The following SLC24A4 variants were observed in gnomAD, a reference collection of about 807,000 sequenced individuals.
SLC24A4 encodes sodium/potassium/calcium exchanger 4.
In SLC24A4, 53 loss-of-function variants were observed where a neutral mutation model predicts 79.0. The observed-to-expected ratio is 0.67, with a 90% CI of 0.54 to 0.84. The LOEUF (loss-of-function observed/expected upper bound fraction) is 0.84, where lower values mean the gene tolerates loss of function less well. SLC24A4 is among the 40% of genes least tolerant of loss of function. The pLI, the probability that SLC24A4 is intolerant of heterozygous loss-of-function variation, is 0.00. For synonymous variants in SLC24A4, 323 were observed against 323.8 expected, an observed-to-expected ratio of 1.00 and a Z score of 0.03; for missense variants, 731 against 822.0, an observed-to-expected ratio of 0.89 and a Z score of 1.35.
At chr14:92,492,855 C>T (rs1355167411) in intron 16 of SLC24A4, 1 of 455,482 alleles carries the variant, frequency 2.2e-6, no homozygotes, top group Non-Finnish European at 4.4e-6. Context: ...GGGATCCAGC[C>T]CCAGGAAGCC....
At chr14:92,429,440 A>G (rs1027528269) in intron 2 of SLC24A4, among the ~76,000 whole-genome samples, 1 of 152,254 alleles carries the variant, frequency 6.6e-6, no homozygotes, top group Non-Finnish European at 1.5e-5. Flanking sequence ...ATTCATATAC[A>G]AATAGGAAGC....
At chr14:92,411,933 C>A (rs1447222818) in intron 2 of SLC24A4, among the ~76,000 whole-genome samples, 4 of 150,804 alleles carry the variant, frequency 2.7e-5, no homozygotes, top group African/African-American at 2.5e-5. Context: ...TTGCAAGTGA[C>A]CAAAAAACAA....
At position 92,499,228 on chromosome 14, in the gene SLC24A4, A is replaced by G. The variant is rs947728844; in HGVS notation, c.*5600A>G. ...CACGGTGTCAGTGTCCAGTTGTCAA[A>G]GTTATGAATCTTCCTCCTGCTTCTA... is the stretch of plus-strand genomic sequence containing the variant. On this transcript the variant is annotated 3_prime_UTR_variant, in exon 17 of 17. Coordinates refer to ENST00000532405, the MANE Select transcript of SLC24A4 (RefSeq NM_153646.4). 1 of 152,190 alleles carries G rather than the reference A, an allele frequency of 6.6e-6. No individual in the cohort carries two copies. The highest frequency in any genetic ancestry group is 6.5e-5 in the Admixed American group (1 of 15,272). 9.4% of individuals were successfully genotyped at this position (152,190 alleles called of 1,614,324 possible). A position where few individuals can be genotyped will look rare whatever the true frequency, so the allele number is the denominator to read the frequency against.
chr14:92,486,679 G>A lies in SLC24A4; in HGVS notation c.1436G>A (p.Gly479Glu). The A allele has an allele frequency of 1.2e-6, 2 of 1,613,692 alleles. No homozygotes were observed. The highest frequency in any genetic ancestry group is 1.7e-6 in the Non-Finnish European group (2 of 1,179,620). The change falls in exon 14 of 17, where the codon GGA (glycine) becomes GAA (glutamate). Residue 479 changes from glycine (G) to glutamate (E), a missense_variant. Coordinates refer to ENST00000532405, the MANE Select transcript of SLC24A4 (RefSeq NM_153646.4). ...CACATTCTGCAGGTGACTATTATCG[G>A]ATACACACTTGGGATCCCGGATGTC... ...YIMVWLVTII[G>E]YTLGIPDVIM...
At chr14:92,400,256 T>A (rs529106509) in intron 2 of SLC24A4, among the ~76,000 whole-genome samples, 1 of 151,922 alleles carries the variant, frequency 6.6e-6, no homozygotes, top group African/African-American at 2.4e-5. Flanking sequence ...CAGGCCAACA[T>A]GGTGAAACCC....
At chr14:92,364,010 T>C (rs529231059) in intron 2 of SLC24A4, among the ~76,000 whole-genome samples, 41 of 152,302 alleles carry the variant, frequency 2.7e-4, no homozygotes, top group African/African-American at 9.9e-4. Context: ...CCATCTCGTC[T>C]GTCCTGGTAT....
chr14:92,442,133 T>C lies in SLC24A4; in HGVS notation c.438T>C (p.Ala146=). The part of the protein sequence containing the change: ...SEDVAGATFM[A]AGSSTPELFA... ...ATGTGGCTGGAGCCACCTTCATGGC[T>C]GCAGGAAGCTCAACGCCAGAGCTGT... The change falls in exon 5 of 17, where the codon GCT becomes GCC. Residue 146 remains alanine (A), a synonymous_variant. Transcript: ENST00000532405. 2 of 1,614,044 alleles carry C rather than the reference T, an allele frequency of 1.2e-6. No homozygotes were observed. The highest frequency in any genetic ancestry group is 1.7e-6 in the Non-Finnish European group (2 of 1,179,952).
In SLC24A4 at chr14:92,323,682, G is replaced by A; in HGVS notation, c.-149G>A. 1.0e-6 allele frequency: 1 copy of A among 988,596 alleles called. No homozygotes were observed. Among genetic ancestry groups the A allele is most frequent in the Non-Finnish European group, 1.4e-6 (1 of 718,388 alleles). 61.2% of individuals were successfully genotyped at this position (988,596 alleles called of 1,614,324 possible). A position where few individuals can be genotyped will look rare whatever the true frequency, so the allele number is the denominator to read the frequency against. On this transcript the variant is annotated 5_prime_UTR_variant, in exon 1 of 17. Coordinates refer to ENST00000532405, the MANE Select transcript of SLC24A4 (RefSeq NM_153646.4). This position sits in a 1 kb window ranked among gnomAD's most constrained non-coding sequence, Gnocchi z 4.9. Reference sequence around the variant, plus strand: ...CCCAAGGGGCTCCCCCGCCGACCTCGCCCTCGGGCCATGAGGCTTTGGCCC... The same window carrying A: ...CCCAAGGGGCTCCCCCGCCGACCTCACCCTCGGGCCATGAGGCTTTGGCCC...
chr14:92,325,797 A>T, intron 1 of SLC24A4, 71 bp from the exon 2 acceptor site: 1 of 884,064 alleles, frequency 1.1e-6, no homozygotes, highest in Non-Finnish European at 1.8e-6. Context: ...AGACACACAA[A>T]TGTAAGGTCA....
At chr14:92,459,243 C>A (rs1304607516) in intron 12 of SLC24A4, among the ~76,000 whole-genome samples, 1 of 152,202 alleles carries the variant, frequency 6.6e-6, no homozygotes, top group Non-Finnish European at 1.5e-5. Flanking sequence ...GCAGGGAGGA[C>A]CCCGGACCAG....
chr14:92,362,078 G>T (rs543999012), intron 2 of SLC24A4, among the ~76,000 whole-genome samples: 1 of 152,106 alleles, frequency 6.6e-6, no homozygotes, highest in Non-Finnish European at 1.5e-5. Context: ...GAATAGGTGC[G>T]GTCCCATGAC....
intron 2 of SLC24A4, among the ~76,000 whole-genome samples, chr14:92,360,950 GAAGT>G (rs1269580774): frequency 6.6e-6 from 1 of 152,224 alleles, no homozygotes; most frequent in Non-Finnish European, 1.5e-5. Context: ...TCCATGTGCA[GAAGT>G]AATTAGAATA....
intron 2 of SLC24A4, among the ~76,000 whole-genome samples, chr14:92,422,031 G>C (rs577151280): frequency 6.6e-6 from 1 of 152,184 alleles, no homozygotes; most frequent in African/African-American, 2.4e-5. Flanking sequence ...GTGATTTCGT[G>C]TGTTGCTTTT....
At chr14:92,446,598 A>G (rs1270301175) in intron 8 of SLC24A4, among the ~76,000 whole-genome samples, 1 of 152,124 alleles carries the variant, frequency 6.6e-6, no homozygotes, top group African/African-American at 2.4e-5. Flanking sequence ...CTTGGGTTTC[A>G]TTTTCGTCAT....
At chr14:92,409,779 A>G (rs767914101) in intron 2 of SLC24A4, among the ~76,000 whole-genome samples, 1 of 152,182 alleles carries the variant, frequency 6.6e-6, no homozygotes, top group Admixed American at 6.5e-5. Flanking sequence ...AAGACATGCA[A>G]TCAACCTAAA....
chr14:92,363,151 G>A (rs1035628285), intron 2 of SLC24A4, among the ~76,000 whole-genome samples: 6 of 152,350 alleles, frequency 3.9e-5, no homozygotes, highest in Admixed American at 2.0e-4. Context: ...GACATGGAGA[G>A]CATGACTCAG....
At chr14:92,427,042 A>G (rs576286802) in intron 2 of SLC24A4, among the ~76,000 whole-genome samples, 208 of 152,330 alleles carry the variant, frequency 1.4e-3, no homozygotes, top group African/African-American at 4.8e-3. Flanking sequence ...AAGAGAATTG[A>G]CTAATTGAAA....
At chr14:92,333,257 CTAA>C (rs1428013918) in intron 2 of SLC24A4, among the ~76,000 whole-genome samples, 2 of 151,934 alleles carry the variant, frequency 1.3e-5, no homozygotes, top group African/African-American at 4.9e-5. Context: ...CCATACCTGG[CTAA>C]TTTTTGTATT....
intron 2 of SLC24A4, among the ~76,000 whole-genome samples, chr14:92,361,802 T>C (rs1263173445): frequency 3.9e-5 from 6 of 152,030 alleles, no homozygotes; most frequent in Admixed American, 3.9e-4. Flanking sequence ...TGCACTTGGC[T>C]TGAATGGTGT....
Sources: gnomAD v4.1 joint callset for allele counts (sites outside exome capture counted in the v4.1 genomes callset) on GRCh38, gnomAD v4.1.1 for gene constraint, Gnocchi (gnomAD v3.1) non-coding constraint, MANE v1.5 for transcripts, NCBI Gene and HGNC (gene_info 2026-07-23, HGNC 2026-07-21) for gene names.